Variants in ZNF333 observed in about 807,000 individuals in gnomAD.
ZNF333 encodes the protein zinc finger protein 333.
In ZNF333, 61 loss-of-function variants were observed where a neutral mutation model predicts 76.1. The ratio of observed to expected loss-of-function variants is 0.80; its 90% CI spans 0.65 to 0.99. The LOEUF (loss-of-function observed/expected upper bound fraction) is 0.99, where lower values mean the gene tolerates loss of function less well. ZNF333 is among the 50% of genes least tolerant of loss of function. The probability of loss-of-function intolerance (pLI) is 0.00; values close to 1 mark genes in which losing one functional copy is unlikely to be tolerated. For missense variants in ZNF333, 717 were observed against 822.4 expected (o/e 0.87, Z 1.57); for synonymous variants, 284 against 305.0 (o/e 0.93, Z 0.72).
chr19:14,695,570 TCC>T lies in ZNF333; in HGVS notation c.133_134del (p.Pro45ThrfsTer36), dbSNP rs1159588321. On this transcript the variant is annotated frameshift_variant, in exon 4 of 12. Coordinates refer to ENST00000292530, the MANE Select transcript of ZNF333 (RefSeq NM_032433.4). LOFTEE classifies it high-confidence loss of function. ...QCRTLASRGT[P>X]PCKPSCVSQL... ...TGTGTCTTTCTTCATGTGCAGGAAC[TCC>T]ACCATGCAAACCCAGTTGTGTCTCC... The T allele has an allele frequency of 6.2e-7, 1 of 1,613,960 alleles. No homozygotes were observed. The highest frequency in any genetic ancestry group is 8.5e-7 in the Non-Finnish European group (1 of 1,179,966).
At chr19:14,693,528 G>T (rs1408535909) in intron 2 of ZNF333, 34 bp downstream of exon 2, 3 of 1,596,622 alleles carry the variant, frequency 1.9e-6, no homozygotes, top group Non-Finnish European at 2.6e-6. Context: ...GGCTGAAGGG[G>T]TGGATATGTA....
rs372743614 is a variant in ZNF333 at position 14,730,740 on chromosome 19, G to C, written c.901-435G>C. Among the ~76,000 whole-genome samples the C allele has an allele frequency of 2.6e-5, 4 of 151,722 alleles. No individual in the cohort carries two copies. In the East Asian group the frequency reaches 7.7e-4, roughly 29 times the overall value. On this transcript the variant is annotated intron_variant, in intron 11 of 11. Coordinates refer to the ZNF333 transcript ENST00000540689. ...AGTATATTGCATGATGCTGAGGTTT[G>C]GGGTACAAATGAATCCAGTTAGTGA...
At chr19:14,696,731 C>CTTTTT (rs55742444) in intron 4 of ZNF333, among the ~76,000 whole-genome samples, 2 of 82,704 alleles carry the variant, frequency 2.4e-5, no homozygotes, top group Admixed American at 1.7e-4. Context: ...ACCTAATCAC[C>CTTTTT]TTTTTTTTTT....
At chr19:14,706,553 TG>T in intron 6 of ZNF333, 132 bp from the exon 7 acceptor site, 1 of 745,546 alleles carries the variant, frequency 1.3e-6, no homozygotes. Flanking sequence ...ACAAGGTAAA[TG>T]GGTCTCTCTC....
intron 11 of ZNF333, among the ~76,000 whole-genome samples, chr19:14,730,646 A>G (rs1245179062): frequency 6.6e-6 from 1 of 152,142 alleles, no homozygotes; most frequent in Non-Finnish European, 1.5e-5. Flanking sequence ...AATGTCTATC[A>G]ACAGTGATTT....
chr19:14,717,077 G>C lies in ZNF333; in HGVS notation c.811G>C (p.Asp271His). ...QWTTDRGVLSDTCAEPQCQPQ... is the reference protein window; with the variant it reads ...QWTTDRGVLSHTCAEPQCQPQ... ...GACCACTGACAGGGGCGTCCTCTCA[G>C]ACACCTGTGCAGGTGAGCCCAGGCA... Residue 271 changes from aspartate to histidine, a missense_variant, in exon 10 of 12, where the codon GAC becomes CAC. Asp to His is a moderately conservative substitution (Grantham distance 81, BLOSUM62 -1). Coordinates refer to ENST00000292530, the MANE Select transcript of ZNF333 (RefSeq NM_032433.4). The C allele has an allele frequency of 6.2e-7, 1 of 1,606,724 alleles. No homozygotes were observed. Among genetic ancestry groups the C allele is most frequent in the Non-Finnish European group, 8.5e-7 (1 of 1,175,818 alleles).
chr19:14,716,007 TC>T (rs2042418505), intron 8 of ZNF333, 104 bp from the exon 9 acceptor site: 14 of 1,550,178 alleles, frequency 9.0e-6, no homozygotes, highest in Non-Finnish European at 1.1e-5. Context: ...TGTCTGAAAG[TC>T]CTCTGCCTGG....
Position 14,704,204 on chromosome 19 carries a change from C to T in ZNF333, c.307-850C>T, listed in dbSNP as rs185718118. Among the ~76,000 whole-genome samples, 425 of 152,224 alleles carry T rather than the reference C, an allele frequency of 2.8e-3. 2 individuals are homozygous for T. The highest frequency in any genetic ancestry group is 9.8e-3 in the African/African-American group (406 of 41,546). On this transcript the variant is annotated intron_variant, in intron 5 of 11. Coordinates refer to ENST00000292530, the MANE Select transcript of ZNF333 (RefSeq NM_032433.4). ...TTGTATCTGCAGTGTGTTCAAGCCT[C>T]GAGACCCTCGGTGGTAGCTGGTGAC...
At chr19:14,706,493 A>C in intron 6 of ZNF333, 193 bp from the exon 7 acceptor site, 1 of 594,458 alleles carries the variant, frequency 1.7e-6, no homozygotes, top group South Asian at 1.9e-5. Flanking sequence ...TCTCCAGGCC[A>C]TTTTGGATCA....
At chr19:14,699,416 G>A (rs1401550858) in intron 5 of ZNF333, 135 bp downstream of exon 5, 1 of 743,044 alleles carries the variant, frequency 1.3e-6, no homozygotes, top group South Asian at 1.6e-5. Flanking sequence ...TGTCTGAGGG[G>A]AGTGCCTGTG....
chr19:14,707,595 A>G (rs541804073), intron 7 of ZNF333, among the ~76,000 whole-genome samples: 11 of 122,234 alleles, frequency 9.0e-5, no homozygotes, highest in Middle Eastern at 5.6e-3. Context: ...TCTTTCGCCC[A>G]AGCTGGACTG....
At chr19:14,701,866 C>T in intron 5 of ZNF333, 5 of 985,536 alleles carry the variant, frequency 5.1e-6, no homozygotes, top group Non-Finnish European at 4.8e-6. Context: ...AGGAGTTCAT[C>T]CCTGAAGACA....
At chr19:14,717,225 C>A in intron 10 of ZNF333, 136 bp downstream of exon 10, 1 of 640,550 alleles carries the variant, frequency 1.6e-6, no homozygotes, top group Non-Finnish European at 2.6e-6. Context: ...TTATTAAATG[C>A]CACCTTCTTT....
intron 5 of ZNF333, among the ~76,000 whole-genome samples, chr19:14,699,688 C>A (rs1419734463): frequency 6.6e-6 from 1 of 152,126 alleles, no homozygotes; most frequent in African/African-American, 2.4e-5. Context: ...TCTCGAACTC[C>A]TGGCCTCAAG....
intron 4 of ZNF333, among the ~76,000 whole-genome samples, chr19:14,697,957 C>G (rs1468822297): frequency 6.6e-6 from 1 of 152,166 alleles, no homozygotes; most frequent in Non-Finnish European, 1.5e-5. Flanking sequence ...TGGAAATAGT[C>G]TCAGTCCTCA....
chr19:14,732,206 T>G (rs1599768692), exon 12 of ZNF333: 1 of 152,194 alleles, frequency 6.6e-6, no homozygotes. Context: ...ATGGCAGCCC[T>G]GTGTCGAGCA....
At chr19:14,694,689 G>GA (rs1333942233) in intron 2 of ZNF333, among the ~76,000 whole-genome samples, 1 of 152,042 alleles carries the variant, frequency 6.6e-6, no homozygotes, top group African/African-American at 2.4e-5. Context: ...CAAGTCAGTG[G>GA]AGTTACACAG....
intron 4 of ZNF333, 99 bp from the exon 5 acceptor site, chr19:14,699,098 TAG>T: frequency 1.2e-6 from 1 of 863,252 alleles, no homozygotes; most frequent in Non-Finnish European, 1.9e-6. Flanking sequence ...TATGTGTGTA[TAG>T]TGTGTATATA....
At chr19:14,697,363 T>G in intron 4 of ZNF333, among the ~76,000 whole-genome samples, 1 of 143,762 alleles carries the variant, frequency 7.0e-6, no homozygotes, top group Admixed American at 6.9e-5. Context: ...TTTTCTTTTT[T>G]TTTTTTTTTT....
Sources: gnomAD v4.1 joint callset for allele counts (sites outside exome capture counted in the v4.1 genomes callset) on GRCh38, gnomAD v4.1.1 for gene constraint, MANE v1.5 for transcripts, NCBI Gene and HGNC (gene_info 2026-07-23, HGNC 2026-07-21) for gene names.